DOCK5: variants seen among roughly 807,000 people sequenced by gnomAD.
DOCK5 encodes the protein dedicator of cytokinesis protein 5.
A neutral mutation model predicts 251.8 loss-of-function variants in DOCK5; 142 were observed. That is an observed-to-expected ratio of 0.56 (90% CI 0.49 to 0.65). DOCK5 has a LOEUF of 0.65. DOCK5 is among the 30% of genes least tolerant of loss of function. The pLI, the probability that DOCK5 is intolerant of heterozygous loss-of-function variation, is 0.00. For synonymous variants in DOCK5, 842 were observed against 835.5 expected (o/e 1.01, Z -0.13); for missense variants, 2,111 against 2,312.3 (o/e 0.91, Z 1.79).
At position 25,403,033 on chromosome 8, in the gene DOCK5, A is replaced by C. The variant is rs117836333; in HGVS notation, c.4927-525A>C. ...AGACTGTCTTCGATTTAATGAGCTT[A>C]GTCATTATTAGAACTTGGCCGGTAT... is the stretch of plus-strand genomic sequence containing the variant. On this transcript the variant is annotated intron_variant, in intron 47 of 51. Transcript: ENST00000276440. Among the ~76,000 whole-genome samples the C allele has an allele frequency of 3.4e-3, 516 of 152,284 alleles. 3 individuals are homozygous for C. Among genetic ancestry groups the C allele is most frequent in the South Asian group, 0.028 (136 of 4,832 alleles).
At chr8:25,346,086 G>A (rs551861747) in intron 26 of DOCK5, among the ~76,000 whole-genome samples, 23 of 152,076 alleles carry the variant, frequency 1.5e-4, no homozygotes, top group Non-Finnish European at 2.6e-4. Context: ...TCCTGACCTC[G>A]TGATCCACCC....
chr8:25,402,149 G>A (rs939206207), intron 47 of DOCK5, among the ~76,000 whole-genome samples: 2 of 151,932 alleles, frequency 1.3e-5, no homozygotes, highest in Admixed American at 6.6e-5. Flanking sequence ...TTGTTTTTGA[G>A]ACAGGATCTC....
chr8:25,204,566 T>C (rs747108493), intron 1 of DOCK5, among the ~76,000 whole-genome samples: 7 of 152,210 alleles, frequency 4.6e-5, no homozygotes, highest in Non-Finnish European at 1.0e-4. Context: ...GGATCTAAAG[T>C]TGACATGCCA....
In DOCK5 at chr8:25,408,044, T is replaced by C. The variant is rs1034860504; in HGVS notation, c.5155T>C (p.Ser1719Pro). Residue 1719 changes from serine to proline, a missense_variant, in exon 49 of 52, where the codon TCC becomes CCC. By Grantham distance (74) the Ser-to-Pro change is moderately conservative. Transcript: ENST00000276440. ...ASSGARVEDL[S>P]LREENSENRI... is the part of the protein sequence containing the mutation. ...GTCAGGTGCCAGAGTTGAAGATCTG[T>C]CCCTTAGAGAGGAGAACAGCGAGAA... 1.2e-6 allele frequency: 2 copies of C among 1,611,508 alleles called. No homozygotes were observed. The highest frequency in any genetic ancestry group is 1.7e-6 in the Non-Finnish European group (2 of 1,178,970).
rs1801691295 is a variant in DOCK5 at position 25,415,432 on chromosome 8, A to T, written c.*4134A>T. On this transcript the variant is annotated 3_prime_UTR_variant, in exon 52 of 52. Coordinates refer to ENST00000276440, the MANE Select transcript of DOCK5 (RefSeq NM_024940.8). ...TTCTCTTTGGTGGGTTGAGAGTTGG[A>T]CCATCAATTCTAATCTACAAAAGGA... 1 of 152,154 alleles carries T rather than the reference A, an allele frequency of 6.6e-6. No homozygotes were observed. Among genetic ancestry groups the T allele is most frequent in the Non-Finnish European group, 1.5e-5 (1 of 68,026 alleles). The allele number at this position is 152,154 out of a possible 1,614,324, so 9.4% of individuals were successfully genotyped here. A position where few individuals can be genotyped will look rare whatever the true frequency, so the allele number is the denominator to read the frequency against.
At chr8:25,310,586 C>T in intron 13 of DOCK5, 54 bp downstream of exon 13, 7 of 1,523,328 alleles carry the variant, frequency 4.6e-6, no homozygotes, top group Non-Finnish European at 6.2e-6. Flanking sequence ...GCGATTATTT[C>T]TTATTGGACG....
chr8:25,368,302 TC>T, intron 32 of DOCK5, 52 bp downstream of exon 32: 1 of 1,493,686 alleles, frequency 6.7e-7, no homozygotes, highest in Admixed American at 1.9e-5. Flanking sequence ...GTGATAAGCA[TC>T]CCACGATAAA....
intron 44 of DOCK5, among the ~76,000 whole-genome samples, chr8:25,394,961 G>A (rs1801321977): frequency 6.6e-6 from 1 of 152,082 alleles, no homozygotes; most frequent in South Asian, 2.1e-4. Flanking sequence ...TTGGGGGATA[G>A]GGGATGGTTT....
intron 2 of DOCK5, among the ~76,000 whole-genome samples, chr8:25,263,691 C>A (rs1006881768): frequency 6.6e-6 from 1 of 151,688 alleles, no homozygotes; most frequent in Non-Finnish European, 1.5e-5. Context: ...CCCCTCGCCC[C>A]ACTTAGGCTC....
At chr8:25,376,463 T>C (rs1800965845) in intron 37 of DOCK5, 1 of 680,878 alleles carries the variant, frequency 1.5e-6, no homozygotes, top group Non-Finnish European at 1.8e-6. Flanking sequence ...CATGTACCAG[T>C]ACCATACTGT....
chr8:25,407,494 C>T (rs1801542435), intron 48 of DOCK5, among the ~76,000 whole-genome samples: 2 of 152,238 alleles, frequency 1.3e-5, no homozygotes, highest in South Asian at 4.1e-4. Flanking sequence ...GGTCTTGTTT[C>T]TGTACATTAA....
chr8:25,260,354 A>ACCCCCCCCCCC (rs200471079), intron 2 of DOCK5, among the ~76,000 whole-genome samples: 3 of 135,106 alleles, frequency 2.2e-5, no homozygotes, highest in African/African-American at 8.3e-5. Flanking sequence ...GGTGCCGCCC[A>ACCCCCCCCCCC]CCCCCGCCCA....
At position 25,317,035 on chromosome 8, in the gene DOCK5, C is replaced by T. The variant is rs1418024467; in HGVS notation, c.1347C>T (p.Thr449=). The T allele has an allele frequency of 6.2e-7, 1 of 1,613,840 alleles. No individual in the cohort carries two copies. The highest frequency in any genetic ancestry group is 8.5e-7 in the Non-Finnish European group (1 of 1,179,856). Residue 449 remains threonine (T), a synonymous_variant, in exon 14 of 52, where the codon ACC becomes ACT. Transcript: ENST00000276440. ...PGDVRNDIYV[T]LIHGEFDKGK... is the part of the protein sequence containing the mutation. The stretch of plus-strand genomic sequence containing the variant: ...ATGTTCGGAATGACATTTATGTCAC[C>T]CTGATCCACGGTGAGTTTGACAAAG...
Position 25,368,255 on chromosome 8 carries a change from G to A in DOCK5, c.3283+5G>A, listed in dbSNP as rs1563218436. The A allele has an allele frequency of 1.2e-6, 2 of 1,611,574 alleles. No homozygotes were observed. The highest frequency in any genetic ancestry group is 8.5e-7 in the Non-Finnish European group (1 of 1,178,698). On this transcript the variant is annotated splice_donor_5th_base_variant and intron_variant, in intron 32 of 51. Coordinates refer to ENST00000276440, the MANE Select transcript of DOCK5 (RefSeq NM_024940.8). ...GGGACATGTGGTATAACCTGGGTGA[G>A]TGTCTAGCCTTGAACAGGCCTGATC...
At chr8:25,201,453 T>A in intron 1 of DOCK5, among the ~76,000 whole-genome samples, 1 of 152,208 alleles carries the variant, frequency 6.6e-6, no homozygotes, top group East Asian at 1.9e-4. Flanking sequence ...AAAATATGTT[T>A]GAGTTACTGA....
chr8:25,317,604 AGTTT>A (rs559523600), intron 14 of DOCK5, among the ~76,000 whole-genome samples: 133 of 152,108 alleles, frequency 8.7e-4, no homozygotes, highest in African/African-American at 2.4e-3. Context: ...ACTGCTCTTT[AGTTT>A]GTTTGTTTGT....
Position 25,292,171 on chromosome 8 carries a change from A to C in DOCK5, c.469A>C (p.Arg157=). ...KVTAKIDHGN[R]MLGLDLVVRD... The stretch of plus-strand genomic sequence containing the variant: ...CACAGCCAAAATTGATCATGGGAAC[A>C]GGTAGGTAAACCAGGGATGGCTTTT... Residue 157 remains arginine, a splice_region_variant and synonymous_variant, in exon 6 of 52, where the codon AGA becomes CGA. Transcript: ENST00000276440. 6.4e-7 allele frequency: 1 copy of C among 1,568,338 alleles called. No individual in the cohort carries two copies. Among genetic ancestry groups the C allele is most frequent in the Non-Finnish European group, 8.6e-7 (1 of 1,158,282 alleles).
chr8:25,354,491 G>A (rs1800532594), intron 27 of DOCK5, among the ~76,000 whole-genome samples: 1 of 152,186 alleles, frequency 6.6e-6, no homozygotes, highest in Admixed American at 6.5e-5. Flanking sequence ...TATGTTTGAA[G>A]GGAAGGGCAG....
chr8:25,218,099 G>C (rs1186883152), intron 1 of DOCK5, among the ~76,000 whole-genome samples: 1 of 152,214 alleles, frequency 6.6e-6, no homozygotes, highest in Non-Finnish European at 1.5e-5. Flanking sequence ...CTGGAGGCAG[G>C]TACATGAACA....
Sources: gnomAD v4.1 joint callset for allele counts (sites outside exome capture counted in the v4.1 genomes callset) on GRCh38, gnomAD v4.1.1 for gene constraint, MANE v1.5 for transcripts, NCBI Gene and HGNC (gene_info 2026-07-23, HGNC 2026-07-21) for gene names.